SOAT1: variants seen among roughly 807,000 people sequenced by gnomAD.
SOAT1 encodes the protein sterol O-acyltransferase 1, also known as acyl-coenzyme A:cholesterol acyltransferase 1.
Under a neutral mutation model 69.5 loss-of-function variants are expected in SOAT1, and 55 were observed. That is an observed-to-expected ratio of 0.79 (90% CI 0.64 to 0.99). The LOEUF is 0.99. SOAT1 is among the 50% of genes least tolerant of loss of function. SOAT1 has a pLI of 0.00. For missense variants in SOAT1, 580 were observed against 669.3 expected, an observed-to-expected ratio of 0.87 and a Z score of 1.47; for synonymous variants, 231 against 224.7, an observed-to-expected ratio of 1.03 and a Z score of -0.25.
Position 179,293,880 on chromosome 1 carries a change from C to G in SOAT1, c.-65C>G, listed in dbSNP as rs1300028017. ...GACCTTCCTGCTGGCTGCTCTGTGA[C>G]CGCTTCCCGGCTCTGCCCTCTTGGC... On this transcript the variant is annotated 5_prime_UTR_variant, in exon 1 of 16. Coordinates refer to ENST00000367619, the MANE Select transcript of SOAT1 (RefSeq NM_003101.6). 7 of 152,432 alleles carry G rather than the reference C, an allele frequency of 4.6e-5. No homozygotes were observed. In the East Asian group the frequency reaches 1.3e-3, roughly 29 times the overall value. 9.4% of individuals were successfully genotyped at this position (152,432 alleles called of 1,614,324 possible).
intron 2 of SOAT1, among the ~76,000 whole-genome samples, chr1:179,312,905 C>G (rs1162174860): frequency 6.6e-6 from 1 of 152,104 alleles, no homozygotes; most frequent in Non-Finnish European, 1.5e-5. Flanking sequence ...TAAACTCTGA[C>G]CACACACTAG....
chr1:179,350,406 C>A lies in SOAT1; in HGVS notation c.1425C>A (p.Leu475=). 1.2e-6 allele frequency: 2 copies of A among 1,613,732 alleles called. No homozygotes were observed. The highest frequency in any genetic ancestry group is 2.7e-5 in the African/African-American group (2 of 74,976). Reference sequence around the variant, plus strand: ...GCTTGAGCTTTTTCTATCCCGTGCTCTTCGTGCTCTTCATGTTCTTTGGAA... The same window carrying A: ...GCTTGAGCTTTTTCTATCCCGTGCTATTCGTGCTCTTCATGTTCTTTGGAA... The part of the protein sequence containing the change: ...AVCLSFFYPV[L]FVLFMFFGMA... The change falls in exon 14 of 16, where the codon CTC becomes CTA. Residue 475 remains leucine (L), a synonymous_variant. Coordinates refer to ENST00000367619, the MANE Select transcript of SOAT1 (RefSeq NM_003101.6).
chr1:179,294,886 T>C (rs1426709859), intron 1 of SOAT1, among the ~76,000 whole-genome samples: 1 of 152,210 alleles, frequency 6.6e-6, no homozygotes, highest in African/African-American at 2.4e-5. Context: ...ACCACTTTTT[T>C]CTTTTTTTCA....
At chr1:179,308,549 G>T (rs963516429) in intron 2 of SOAT1, among the ~76,000 whole-genome samples, 1 of 151,766 alleles carries the variant, frequency 6.6e-6, no homozygotes, top group South Asian at 2.1e-4. Flanking sequence ...GTGGGTGCCT[G>T]TAATCTAAGC....
intron 12 of SOAT1, among the ~76,000 whole-genome samples, chr1:179,348,028 G>A (rs1666595448): frequency 6.6e-6 from 1 of 152,162 alleles, no homozygotes; most frequent in East Asian, 1.9e-4. Context: ...ATTTGAAATG[G>A]ACCGTCTAGT....
At chr1:179,332,336 A>C (rs1483621459) in intron 3 of SOAT1, among the ~76,000 whole-genome samples, 1 of 152,172 alleles carries the variant, frequency 6.6e-6, no homozygotes, top group Non-Finnish European at 1.5e-5. Flanking sequence ...TTGCTTTTCC[A>C]GCCTTATCTC....
chr1:179,343,382 G>A (rs537198365), intron 9 of SOAT1, among the ~76,000 whole-genome samples: 2 of 142,568 alleles, frequency 1.4e-5, no homozygotes, highest in African/African-American at 2.7e-5. Context: ...GTGCCACCAC[G>A]CCCGGTTGGT....
At chr1:179,342,228 C>G (rs758163788) in intron 8 of SOAT1, 36 bp downstream of exon 8, 6 of 1,376,636 alleles carry the variant, frequency 4.4e-6, no homozygotes, top group Non-Finnish European at 6.0e-6. Flanking sequence ...TTCTTCCTCC[C>G]CTCCCCTCCT....
At chr1:179,301,027 G>A (rs1057040288) in intron 1 of SOAT1, among the ~76,000 whole-genome samples, 2 of 152,086 alleles carry the variant, frequency 1.3e-5, no homozygotes, top group Admixed American at 6.6e-5. Context: ...CCCAGGAGGC[G>A]GAGGTTGCAG....
intron 8 of SOAT1, 110 bp downstream of exon 8, chr1:179,342,302 T>C: frequency 5.1e-6 from 3 of 588,134 alleles, no homozygotes; most frequent in South Asian, 5.0e-5. Context: ...CCTCCCTCCC[T>C]CTCTCTTTTT....
chr1:179,323,141 C>A (rs937265514), intron 2 of SOAT1, among the ~76,000 whole-genome samples: 1 of 145,266 alleles, frequency 6.9e-6, no homozygotes, highest in Non-Finnish European at 1.5e-5. Context: ...TCTTAGTGGT[C>A]TCAACTGTGG....
At chr1:179,319,409 A>G (rs1475421312) in intron 2 of SOAT1, among the ~76,000 whole-genome samples, 2 of 151,680 alleles carry the variant, frequency 1.3e-5, no homozygotes, top group African/African-American at 4.8e-5. Context: ...AGCTGGGATT[A>G]TAGGCATGTG....
intron 13 of SOAT1, 87 bp from the exon 14 acceptor site, chr1:179,350,209 C>T (rs1054441767): frequency 5.6e-6 from 6 of 1,080,228 alleles, no homozygotes; most frequent in Admixed American, 2.5e-5. Flanking sequence ...CAATAGGTGC[C>T]TTTGGCATAT....
chr1:179,301,031 G>A (rs1462466065), intron 1 of SOAT1, among the ~76,000 whole-genome samples: 1 of 152,090 alleles, frequency 6.6e-6, no homozygotes, highest in African/African-American at 2.4e-5. Context: ...GGAGGCGGAG[G>A]TTGCAGTGAG....
chr1:179,340,820 G>GATATATATATATAT (rs67855683), intron 6 of SOAT1, among the ~76,000 whole-genome samples: 4 of 147,248 alleles, frequency 2.7e-5, no homozygotes, highest in African/African-American at 1.0e-4. Context: ...ATATATTGTT[G>GATATATATATATAT]ATATATATAT....
intron 2 of SOAT1, among the ~76,000 whole-genome samples, chr1:179,316,181 G>A (rs1665385977): frequency 6.6e-6 from 1 of 151,992 alleles, no homozygotes; most frequent in South Asian, 2.1e-4. Flanking sequence ...CAAAGCCCTT[G>A]TTATTATATG....
rs916155001 is a variant in SOAT1 at position 179,319,249 on chromosome 1, T to C, written c.119-4188T>C. 3.3e-5 allele frequency among the ~76,000 whole-genome samples: 5 copies of C among 151,146 alleles called. No homozygotes were observed. In the South Asian group the frequency reaches 1.0e-3, roughly 32 times the overall value. ...TGGGCTTTTTTTTTTAAAAGAAATA[T>C]CTGTTCAGTTACTTTGCCTTTTTTT... On this transcript the variant is annotated intron_variant, in intron 2 of 15. Transcript: ENST00000367619.
intron 5 of SOAT1, 128 bp from the exon 6 acceptor site, chr1:179,339,310 G>C (rs1666253906): frequency 4.0e-6 from 2 of 505,474 alleles, no homozygotes; most frequent in South Asian, 7.9e-5. Flanking sequence ...TCTTTTTTGA[G>C]ATGTTTTTGG....
At chr1:179,342,272 C>A in intron 8 of SOAT1, 80 bp downstream of exon 8, 1 of 695,066 alleles carries the variant, frequency 1.4e-6, no homozygotes, top group Non-Finnish European at 2.4e-6. Flanking sequence ...CTTCCCTTCC[C>A]TTCTTTCCTT....
Sources: gnomAD v4.1 joint callset for allele counts (sites outside exome capture counted in the v4.1 genomes callset) on GRCh38, gnomAD v4.1.1 for gene constraint, MANE v1.5 for transcripts, NCBI Gene and HGNC (gene_info 2026-07-23, HGNC 2026-07-21) for gene names.